The following RBPJ variants were observed in gnomAD, a reference collection of about 807,000 sequenced individuals.
RBPJ encodes the protein recombining binding protein suppressor of hairless.
RBPJ carries 9 observed loss-of-function variants against 67.8 expected under a neutral mutation model. The observed-to-expected ratio is 0.13, with a 90% CI of 0.08 to 0.23. The LOEUF is 0.23. Ranked by LOEUF, RBPJ falls within the 10% of genes least tolerant of loss-of-function variation. The pLI is 1.00. For synonymous variants in RBPJ, 198 were observed against 203.3 expected (o/e 0.97, Z 0.22); for missense variants, 305 against 595.6 (o/e 0.51, Z 5.08).
intron 1 of RBPJ, among the ~76,000 whole-genome samples, chr4:26,286,199 C>A (rs2063444): frequency 0.34 from 51,985 of 151,934 alleles, 10,080 homozygotes; most frequent in Admixed American, 0.44. Flanking sequence ...GTACTGTGGG[C>A]TGGGCATGAT....
At position 26,185,325 on chromosome 4, in the gene RBPJ, G is replaced by A. The variant is rs571075249; in HGVS notation, c.-167+21711G>A. Among the ~76,000 whole-genome samples, 15 of 152,058 alleles carry A rather than the reference G, an allele frequency of 9.9e-5. No homozygotes were observed. The South Asian group carries it at 3.1e-3, about 32-fold the overall frequency. ...TGCCACCCTCTGCCTGTGTCAAATGGCAAATTTAATGGAAGTTATTTGGAA... is the reference window on the plus strand; with the variant it reads ...TGCCACCCTCTGCCTGTGTCAAATGACAAATTTAATGGAAGTTATTTGGAA... On this transcript the variant is annotated intron_variant, in intron 1 of 4. Transcript: ENST00000512351.
intron 1 of RBPJ, among the ~76,000 whole-genome samples, chr4:26,209,918 C>T (rs1718325123): frequency 6.6e-6 from 1 of 151,300 alleles, no homozygotes; most frequent in Admixed American, 6.6e-5. Flanking sequence ...CCTCCTTTCC[C>T]ATTCATATCA....
chr4:26,190,975 G>A (rs1451651239), intron 1 of RBPJ, among the ~76,000 whole-genome samples: 1 of 150,576 alleles, frequency 6.6e-6, no homozygotes, highest in African/African-American at 2.4e-5. Flanking sequence ...CCGAGACCTC[G>A]TCTCTACTAA....
At chr4:26,181,900 G>GC (rs1717012125) in intron 1 of RBPJ, among the ~76,000 whole-genome samples, 1 of 152,206 alleles carries the variant, frequency 6.6e-6, no homozygotes. Flanking sequence ...GAATGTGAAG[G>GC]CCTAGGACAT....
intron 1 of RBPJ, among the ~76,000 whole-genome samples, chr4:26,335,008 C>T (rs1381447907): frequency 6.6e-6 from 1 of 152,170 alleles, no homozygotes; most frequent in Admixed American, 6.6e-5. Flanking sequence ...GCTCATTAAA[C>T]TTGCCTTTTC....
chr4:26,394,790 T>C (rs1217630757), intron 2 of RBPJ, among the ~76,000 whole-genome samples: 1 of 152,240 alleles, frequency 6.6e-6, no homozygotes, highest in African/African-American at 2.4e-5. Context: ...TGAAGACTTC[T>C]AAAGAACGTA....
chr4:26,123,063 T>G, the RBPJ span, among the ~76,000 whole-genome samples: 1 of 152,204 alleles, frequency 6.6e-6, no homozygotes, highest in Admixed American at 6.5e-5. Context: ...AACGGGTTTA[T>G]GTTCTGAGAA....
rs893881284 is a variant in RBPJ at position 26,385,813 on chromosome 4, A to AT, written c.21-533dup. ...TATTATTTATTTATTTTTTTATTTT[A>AT]TTTTTTTGAGACAGAGTCTTGCTGT... On this transcript the variant is annotated intron_variant, in intron 1 of 10. Transcript: ENST00000355476. 5.2e-5 allele frequency among the ~76,000 whole-genome samples: 7 copies of AT among 134,780 alleles called. No individual in the cohort carries two copies. In the East Asian group the frequency reaches 8.5e-4, roughly 16 times the overall value. The allele number at this position is 134,780 out of a possible 152,430, so 88.4% of individuals were successfully genotyped here.
At chr4:26,366,550 G>A (rs930070195) in intron 1 of RBPJ, among the ~76,000 whole-genome samples, 1 of 151,914 alleles carries the variant, frequency 6.6e-6, no homozygotes, top group Non-Finnish European at 1.5e-5. Context: ...CCAGCCTCCT[G>A]AGTAGCTGGG....
chr4:26,136,647 A>G, the RBPJ span, among the ~76,000 whole-genome samples: 1 of 152,220 alleles, frequency 6.6e-6, no homozygotes, highest in African/African-American at 2.4e-5. Context: ...TACACAGAAA[A>G]GAAAAGTTAT....
intron 3 of RBPJ, among the ~76,000 whole-genome samples, chr4:26,409,455 T>C (rs1016829025): frequency 1.3e-5 from 2 of 152,180 alleles, no homozygotes; most frequent in African/African-American, 2.4e-5. Context: ...GTTTGTCAAG[T>C]TAAAATGGAA....
chr4:26,122,197 G>A, the RBPJ span, among the ~76,000 whole-genome samples: 1 of 152,122 alleles, frequency 6.6e-6, no homozygotes, highest in Non-Finnish European at 1.5e-5. Flanking sequence ...CAGATTATTA[G>A]AGATAAGCAA....
At chr4:26,428,102 C>G (rs1403469555) in intron 7 of RBPJ, among the ~76,000 whole-genome samples, 1 of 152,162 alleles carries the variant, frequency 6.6e-6, no homozygotes, top group African/African-American at 2.4e-5. Context: ...TTTGTCTGAC[C>G]TTTCTAAGCC....
intron 1 of RBPJ, among the ~76,000 whole-genome samples, chr4:26,378,586 A>G (rs1729995773): frequency 6.6e-6 from 1 of 152,186 alleles, no homozygotes; most frequent in South Asian, 2.1e-4. Context: ...GGGTGGCTGC[A>G]GTTGATGCTG....
the RBPJ span, among the ~76,000 whole-genome samples, chr4:26,109,129 A>G: frequency 7.5e-6 from 1 of 132,972 alleles, no homozygotes. Context: ...TTTTTTTGAG[A>G]CAAAGTCTTG....
chr4:26,269,496 T>C (rs190849447), intron 1 of RBPJ, among the ~76,000 whole-genome samples: 3 of 152,242 alleles, frequency 2.0e-5, no homozygotes, highest in African/African-American at 7.2e-5. Context: ...CCTCAAATGA[T>C]CGGCCAGCCT....
At chr4:26,288,848 A>T (rs547380175) in intron 1 of RBPJ, among the ~76,000 whole-genome samples, 1 of 137,838 alleles carries the variant, frequency 7.3e-6, no homozygotes, top group African/African-American at 2.7e-5. Flanking sequence ...AAGCGAGGTC[A>T]CTTTTGTACA....
At chr4:26,254,986 A>G (rs193189893) in intron 1 of RBPJ, among the ~76,000 whole-genome samples, 2 of 130,032 alleles carry the variant, frequency 1.5e-5, no homozygotes, top group African/African-American at 3.7e-5. Flanking sequence ...ACAGGCATGA[A>G]CCACCGCACC....
At chr4:26,286,439 C>T (rs1721469088) in intron 1 of RBPJ, among the ~76,000 whole-genome samples, 1 of 144,782 alleles carries the variant, frequency 6.9e-6, no homozygotes, top group Non-Finnish European at 1.5e-5. Flanking sequence ...CACCACTGCA[C>T]TCCAGCCTGT....
Sources: gnomAD v4.1 joint callset for allele counts (sites outside exome capture counted in the v4.1 genomes callset) on GRCh38, gnomAD v4.1.1 for gene constraint, MANE v1.5 for transcripts, NCBI Gene and HGNC (gene_info 2026-07-23, HGNC 2026-07-21) for gene names.